VMP1: variants seen among roughly 807,000 people sequenced by gnomAD.
VMP1 encodes the protein vacuole membrane protein 1, also known as ectopic P-granules autophagy protein 3 homolog.
A neutral mutation model predicts 56.0 loss-of-function variants in VMP1; 11 were observed. The ratio of observed to expected loss-of-function variants is 0.20; its 90% CI spans 0.12 to 0.32. VMP1 has a LOEUF of 0.32. VMP1 is among the 10% of genes least tolerant of loss of function. VMP1 has a pLI of 1.00. For synonymous variants in VMP1, 149 were observed against 165.0 expected, an observed-to-expected ratio of 0.90 and a Z score of 0.74; for missense variants, 296 against 490.3, an observed-to-expected ratio of 0.60 and a Z score of 3.74.
intron 6 of VMP1, among the ~76,000 whole-genome samples, chr17:59,768,257 T>G (rs1343940601): frequency 6.6e-6 from 1 of 152,210 alleles, no homozygotes; most frequent in Non-Finnish European, 1.5e-5. Flanking sequence ...CACTAAGTTA[T>G]GTTTAAATTT....
intron 7 of VMP1, among the ~76,000 whole-genome samples, chr17:59,802,017 A>G (rs1387852730): frequency 6.6e-6 from 1 of 151,930 alleles, no homozygotes; most frequent in East Asian, 1.9e-4. Flanking sequence ...TCTGGCCAAC[A>G]TCGCGAAACC....
At chr17:59,788,197 A>T (rs1291939491) in intron 7 of VMP1, among the ~76,000 whole-genome samples, 1 of 152,138 alleles carries the variant, frequency 6.6e-6, no homozygotes, top group Non-Finnish European at 1.5e-5. Flanking sequence ...TGGAGTAGAA[A>T]ATAGTTTTGG....
intron 1 of VMP1, among the ~76,000 whole-genome samples, chr17:59,729,264 C>T (rs1339159675): frequency 1.3e-5 from 2 of 152,136 alleles, no homozygotes; most frequent in Non-Finnish European, 2.9e-5. Flanking sequence ...GCAGGCAGAT[C>T]ACAAGGTCAG....
At chr17:59,756,900 G>A (rs912478936) in intron 5 of VMP1, among the ~76,000 whole-genome samples, 1 of 152,106 alleles carries the variant, frequency 6.6e-6, no homozygotes, top group Non-Finnish European at 1.5e-5. Flanking sequence ...ATGAAACATA[G>A]ACATGAGTAT....
intron 4 of VMP1, 43 bp downstream of exon 4, chr17:59,737,586 TAA>T: frequency 1.3e-6 from 2 of 1,515,702 alleles, no homozygotes; most frequent in Non-Finnish European, 1.8e-6. Flanking sequence ...GCACATTCTC[TAA>T]TTCTCTAATC....
At chr17:59,755,926 G>A (rs1229938539) in intron 5 of VMP1, among the ~76,000 whole-genome samples, 2 of 151,658 alleles carry the variant, frequency 1.3e-5, no homozygotes, top group African/African-American at 2.4e-5. Flanking sequence ...TAGTAGAGAC[G>A]GAATCTCACT....
At chr17:59,801,108 ATATATGTGTG>A (rs1319766662) in intron 7 of VMP1, among the ~76,000 whole-genome samples, 3 of 127,062 alleles carry the variant, frequency 2.4e-5, no homozygotes, top group African/African-American at 7.9e-5. Context: ...ATATATATAT[ATATATGTGTG>A]TGTGTGTGTG....
intron 10 of VMP1, among the ~76,000 whole-genome samples, chr17:59,831,591 C>T (rs1485021789): frequency 6.7e-6 from 1 of 150,156 alleles, no homozygotes; most frequent in Non-Finnish European, 1.5e-5. Context: ...CAGAATTTTG[C>T]CCAAATGTTA....
At chr17:59,780,498 T>TCATCC (rs774195362) in intron 7 of VMP1, among the ~76,000 whole-genome samples, 15 of 152,242 alleles carry the variant, frequency 9.9e-5, no homozygotes, top group Non-Finnish European at 1.9e-4. Flanking sequence ...AGCAATATTT[T>TCATCC]CATCCAGGTT....
chr17:59,758,588 G>A (rs1266323684), intron 5 of VMP1, among the ~76,000 whole-genome samples: 1 of 151,858 alleles, frequency 6.6e-6, no homozygotes, highest in Admixed American at 6.6e-5. Flanking sequence ...ACTTTGGGAG[G>A]CCTTGTTGGG....
intron 10 of VMP1, among the ~76,000 whole-genome samples, chr17:59,832,619 A>C (rs557303051): frequency 7.2e-6 from 1 of 138,042 alleles, no homozygotes; most frequent in Admixed American, 7.4e-5. Flanking sequence ...TTTGAGACAG[A>C]GTCTCGCTCT....
chr17:59,782,935 G>A (rs970197877), intron 7 of VMP1, among the ~76,000 whole-genome samples: 3 of 152,160 alleles, frequency 2.0e-5, no homozygotes, highest in Admixed American at 2.0e-4. Flanking sequence ...GGGCGCGATG[G>A]CTCACACCTG....
chr17:59,712,793 T>C (rs1275198557), intron 1 of VMP1, among the ~76,000 whole-genome samples: 2 of 152,198 alleles, frequency 1.3e-5, no homozygotes, highest in Non-Finnish European at 2.9e-5. Flanking sequence ...TAGGAAATCA[T>C]TCTACAATTT....
chr17:59,710,179 A>G (rs943137465), intron 1 of VMP1, among the ~76,000 whole-genome samples: 1 of 152,212 alleles, frequency 6.6e-6, no homozygotes, highest in Non-Finnish European at 1.5e-5. Context: ...CCTGGGAGAC[A>G]GAGCCAGACT....
At chr17:59,747,163 G>T (rs1053415124) in intron 5 of VMP1, among the ~76,000 whole-genome samples, 2 of 152,142 alleles carry the variant, frequency 1.3e-5, no homozygotes, top group African/African-American at 4.8e-5. Flanking sequence ...GACATATTCT[G>T]TTATTTACTT....
chr17:59,769,732 G>T (rs1008691382), intron 6 of VMP1, among the ~76,000 whole-genome samples: 1 of 152,114 alleles, frequency 6.6e-6, no homozygotes, highest in Non-Finnish European at 1.5e-5. Flanking sequence ...TTATTTTGCA[G>T]TAAGGAAGCC....
At chr17:59,793,635 TA>T (rs1299722657) in intron 7 of VMP1, among the ~76,000 whole-genome samples, 1 of 115,836 alleles carries the variant, frequency 8.6e-6, no homozygotes, top group African/African-American at 2.6e-5. Context: ...TTTATTTATT[TA>T]TTTTTTTTGA....
chr17:59,769,135 TAAATA>T (rs2036338677), intron 6 of VMP1, among the ~76,000 whole-genome samples: 1 of 136,924 alleles, frequency 7.3e-6, no homozygotes, highest in Admixed American at 7.8e-5. Context: ...AAAATATAAA[TAAATA>T]AATAAAATGA....
intron 9 of VMP1, among the ~76,000 whole-genome samples, chr17:59,815,819 G>A (rs1308349493): frequency 7.5e-6 from 1 of 133,946 alleles, no homozygotes; most frequent in Middle Eastern, 5.2e-3. Flanking sequence ...TTGAGCCACT[G>A]CATTCCAGCC....
Sources: allele counts gnomAD v4.1 joint callset (sites outside exome capture counted in the v4.1 genomes callset), GRCh38; gene constraint gnomAD v4.1.1; transcripts MANE v1.5; gene names NCBI Gene and HGNC (gene_info 2026-07-23, HGNC 2026-07-21).